PHF8: variants seen among roughly 807,000 people sequenced by gnomAD.
The protein encoded by PHF8 is PHD finger protein 8, also known as histone lysine demethylase PHF8.
A neutral mutation model predicts 74.4 loss-of-function variants in PHF8; 9 were observed. The observed-to-expected ratio is 0.12, with a 90% CI of 0.07 to 0.21. The LOEUF (loss-of-function observed/expected upper bound fraction) is 0.21. PHF8 is among the 10% of genes least tolerant of loss of function. PHF8 has a pLI of 1.00. For synonymous variants in PHF8, 311 were observed against 316.6 expected, an observed-to-expected ratio of 0.98 and a Z score of 0.19; for missense variants, 478 against 816.6, an observed-to-expected ratio of 0.59 and a Z score of 5.05.
intron 8 of PHF8, among the ~76,000 whole-genome samples, chrX:54,003,351 C>T (rs1371064172): frequency 2.7e-5 from 3 of 111,649 alleles, no homozygotes; most frequent in Non-Finnish European, 3.8e-5. Flanking sequence ...CATTCCTAAG[C>T]GATATATCTA....
At chrX:54,042,951 C>T in intron 1 of PHF8, 131 bp from the exon 2 acceptor site, 2 of 565,551 alleles carry the variant, frequency 3.5e-6, no homozygotes. Context: ...TAGGGGGCAA[C>T]CAGAGAAAGT....
At chrX:54,003,226 T>C (rs1161859924) in intron 8 of PHF8, among the ~76,000 whole-genome samples, 4 of 112,396 alleles carry the variant, frequency 3.6e-5, no homozygotes, top group African/African-American at 9.7e-5. Context: ...TTGATAAATA[T>C]AAACCACATA....
In PHF8 at chrX:54,017,516, C is replaced by T. The variant is rs1290886102; in HGVS notation, c.454+145G>A. The T allele has an allele frequency of 6.0e-6, 3 of 500,053 alleles. No individual in the cohort carries two copies. In the African/African-American group the frequency reaches 7.1e-5, roughly 12 times the overall value. 41.2% of individuals were successfully genotyped at this position (500,053 alleles called of 1,213,427 possible). A position where few individuals can be genotyped will look rare whatever the true frequency, so the allele number is the denominator to read the frequency against. ...GACTAGGATTTTGACTCTATCTCTG[C>T]CAAAGAATGACTTTGGACAAGGCAT... is the stretch of plus-strand genomic sequence containing the variant. On this transcript the variant is annotated intron_variant, in intron 5 of 21. Transcript: ENST00000338154.
At position 54,022,341 on chromosome X, in the gene PHF8, C is replaced by A; in HGVS notation, c.211G>T (p.Gly71Trp). 1 of 1,202,897 alleles carries A rather than the reference C, an allele frequency of 8.3e-7. No individual in the cohort carries two copies. The highest frequency in any genetic ancestry group is 1.8e-5 in the South Asian group (1 of 56,784). ...GGTTTCCCCTTGTGTGTATCATGCC[C>A]CTTTGAAGATCCACGGCGTTTTTTC... ...IMKKRRGSSK[G>W]HDTHKGKPVK... is the part of the protein sequence containing the mutation. The change falls in exon 4 of 22, where the codon GGG becomes TGG. Residue 71 changes from glycine to tryptophan, a missense_variant. Physicochemically the swap from Gly to Trp is radical, Grantham distance 184. Around this residue, in one of 9 missense-constraint regions of PHF8, gnomAD observed 28 missense variants for 33.4 expected, o/e 0.84. Coordinates refer to ENST00000338154, the MANE Select transcript of PHF8 (RefSeq NM_015107.3).
chrX:54,021,559 C>T (rs1168355284), intron 4 of PHF8, among the ~76,000 whole-genome samples: 3 of 101,038 alleles, frequency 3.0e-5, no homozygotes, highest in Non-Finnish European at 4.0e-5. Context: ...AGCTCCGCCT[C>T]CCGGGTTCAC....
chrX:54,026,352 T>TC (rs2066267063), intron 2 of PHF8, among the ~76,000 whole-genome samples: 1 of 62,262 alleles, frequency 1.6e-5, no homozygotes, highest in Non-Finnish European at 2.9e-5. Context: ...AGATTCCATC[T>TC]CAAAAAAAAA....
At chrX:53,959,736 C>T (rs1243972821) in intron 19 of PHF8, among the ~76,000 whole-genome samples, 1 of 107,419 alleles carries the variant, frequency 9.3e-6, no homozygotes, top group Non-Finnish European at 1.9e-5. Flanking sequence ...CAGTGATGCG[C>T]GCCTATAGTC....
rs781948184 is a variant in PHF8 at position 54,018,453 on chromosome X, CTT to C, written c.294-634_294-633del. 5.0e-3 allele frequency among the ~76,000 whole-genome samples: 381 copies of C among 76,627 alleles called. 2 individuals are homozygous for C. Among genetic ancestry groups the C allele is most frequent in the African/African-American group, 0.014 (317 of 22,040 alleles). The allele number at this position is 76,627 out of a possible 115,157, so 66.5% of individuals were successfully genotyped here. On this transcript the variant is annotated intron_variant, in intron 4 of 21. Coordinates refer to ENST00000338154, the MANE Select transcript of PHF8 (RefSeq NM_015107.3). ...CCTGGGTGACAGAGAGAGTCCCTGT[CTT>C]TTTTTTTTTTTTTTTTTTAAAGAAA...
intron 15 of PHF8, among the ~76,000 whole-genome samples, chrX:53,987,389 T>C (rs1479730381): frequency 6.3e-5 from 7 of 111,355 alleles, no homozygotes; most frequent in African/African-American, 2.3e-4. Context: ...AGGTCTTAAG[T>C]CTATCAAGAG....
At chrX:53,961,862 A>G (rs2065111272) in intron 19 of PHF8, among the ~76,000 whole-genome samples, 1 of 111,607 alleles carries the variant, frequency 9.0e-6, no homozygotes, top group African/African-American at 3.3e-5. Context: ...CCTCGTATGC[A>G]TGATACTTTG....
At chrX:54,004,177 C>T (rs1194931537) in intron 8 of PHF8, among the ~76,000 whole-genome samples, 1 of 111,543 alleles carries the variant, frequency 9.0e-6, no homozygotes, top group Non-Finnish European at 1.9e-5. Flanking sequence ...TAACTCAAAC[C>T]GCTAATGGGC....
Position 53,962,832 on chromosome X carries a change from A to G in PHF8, c.2539+12T>C. The G allele has an allele frequency of 1.9e-6, 2 of 1,057,312 alleles. No homozygotes were observed. Among genetic ancestry groups the G allele is most frequent in the Non-Finnish European group, 2.6e-6 (2 of 754,860 alleles). 87.1% of individuals were successfully genotyped at this position (1,057,312 alleles called of 1,213,427 possible). A position where few individuals can be genotyped will look rare whatever the true frequency, so the allele number is the denominator to read the frequency against. ...ACCCCTACAGAGTTTAAGGGACAAAATACTAGATTACCTTTAGGACTCCAT... is the reference window on the plus strand; with the variant it reads ...ACCCCTACAGAGTTTAAGGGACAAAGTACTAGATTACCTTTAGGACTCCAT... On this transcript the variant is annotated intron_variant, in intron 19 of 21. Coordinates refer to ENST00000338154, the MANE Select transcript of PHF8 (RefSeq NM_015107.3).
intron 2 of PHF8, among the ~76,000 whole-genome samples, chrX:54,037,738 C>T (rs1557114795): frequency 8.9e-6 from 1 of 112,357 alleles, no homozygotes; most frequent in Non-Finnish European, 1.9e-5. Flanking sequence ...CCTATAACTA[C>T]TAAATGGAAT....
intron 2 of PHF8, among the ~76,000 whole-genome samples, chrX:54,040,237 G>A (rs2066529555): frequency 8.9e-6 from 1 of 111,842 alleles, no homozygotes; most frequent in Non-Finnish European, 1.9e-5. Flanking sequence ...AGAGTGAGGA[G>A]TTAGCAGGAG....
intron 3 of PHF8, among the ~76,000 whole-genome samples, 158 bp downstream of exon 3, chrX:54,022,600 G>A (rs2066197851): frequency 8.9e-6 from 1 of 111,839 alleles, no homozygotes; most frequent in Non-Finnish European, 1.9e-5. Context: ...TCCTCTTAGT[G>A]AGATAGGTGC....
At chrX:54,032,705 C>T (rs2146491445) in intron 2 of PHF8, among the ~76,000 whole-genome samples, 1 of 110,129 alleles carries the variant, frequency 9.1e-6, no homozygotes, top group South Asian at 4.0e-4. Context: ...CCGTATCCCC[C>T]CTCCCCCACC....
chrX:53,964,868 C>CAAAAAAAAAAAAA (rs782274910), intron 18 of PHF8, among the ~76,000 whole-genome samples: 7 of 37,757 alleles, frequency 1.9e-4, no homozygotes, highest in Non-Finnish European at 2.0e-4. Flanking sequence ...AACTCTGCCT[C>CAAAAAAAAAAAAA]AAAAAAAAAA....
chrX:53,962,954 G>GA lies in PHF8; in HGVS notation c.2444-16dup, dbSNP rs1557091346. 2.0e-6 allele frequency: 2 copies of GA among 1,016,541 alleles called. No homozygotes were observed. The highest frequency in any genetic ancestry group is 1.9e-5 in the South Asian group (1 of 52,994). 83.8% of individuals were successfully genotyped at this position (1,016,541 alleles called of 1,213,427 possible). On this transcript the variant is annotated splice_polypyrimidine_tract_variant and intron_variant, in intron 18 of 21. Transcript: ENST00000338154. ...TGAAGGATAGACTGCAGGGAGAAGG[G>GA]AAAACAGGGTAAAATGAGATTTCAT...
At chrX:54,042,119 A>G (rs2066566533) in intron 2 of PHF8, among the ~76,000 whole-genome samples, 1 of 110,399 alleles carries the variant, frequency 9.1e-6, no homozygotes. Context: ...CCTGATCAAC[A>G]TGGAAAAACA....
Sources: gnomAD v4.1 joint callset for allele counts (sites outside exome capture counted in the v4.1 genomes callset) on GRCh38, gnomAD v4.1.1 for gene constraint, gnomAD v4.1.1 regional missense constraint, MANE v1.5 for transcripts, NCBI Gene and HGNC (gene_info 2026-07-23, HGNC 2026-07-21) for gene names.